The following SUCO variants were observed in gnomAD, a reference collection of about 807,000 sequenced individuals.
SUCO encodes SUN domain-containing ossification factor.
Under a neutral mutation model 148.1 loss-of-function variants are expected in SUCO, and 57 were observed. The ratio of observed to expected loss-of-function variants is 0.38; its 90% confidence interval spans 0.31 to 0.48. The LOEUF (loss-of-function observed/expected upper bound fraction) is 0.48, where lower values mean the gene tolerates loss of function less well. Among genes scored for constraint, SUCO ranks in the 20% least tolerant of loss-of-function variants. The pLI, the probability that SUCO is intolerant of heterozygous loss-of-function variation, is 0.96. For missense variants in SUCO, 1,331 were observed against 1,468.2 expected, an observed-to-expected ratio of 0.91 and a Z score of 1.53; for synonymous variants, 470 against 502.7, an observed-to-expected ratio of 0.93 and a Z score of 0.87.
chr1:172,545,233 C>A (rs1171462562), intron 1 of SUCO, among the ~76,000 whole-genome samples: 1 of 152,120 alleles, frequency 6.6e-6, no homozygotes, highest in African/African-American at 2.4e-5. Context: ...AGAGATGCAA[C>A]TTTTAAATGA....
At chr1:172,576,885 T>C (rs1288332681) in intron 11 of SUCO, 1 of 789,814 alleles carries the variant, frequency 1.3e-6, no homozygotes, top group African/African-American at 1.9e-5. Context: ...GTTATGTAAG[T>C]TTTTTACCTG....
intron 6 of SUCO, among the ~76,000 whole-genome samples, chr1:172,562,318 G>T (rs1654220927): frequency 6.6e-6 from 1 of 150,944 alleles, no homozygotes; most frequent in Non-Finnish European, 1.5e-5. Context: ...AAGAAAATTG[G>T]GTTTTAACAT....
At chr1:172,586,084 G>A in intron 17 of SUCO, 136 bp downstream of exon 17, 1 of 519,042 alleles carries the variant, frequency 1.9e-6, no homozygotes, top group Admixed American at 3.7e-5. Context: ...TAGACATTCT[G>A]TGGCCACTTA....
At chr1:172,571,577 C>A (rs1332427926) in intron 9 of SUCO, among the ~76,000 whole-genome samples, 1 of 144,450 alleles carries the variant, frequency 6.9e-6, no homozygotes, top group Admixed American at 6.8e-5. Flanking sequence ...AAGTGAGGAG[C>A]GTCTCTGCCC....
At chr1:172,556,496 A>G in intron 4 of SUCO, 1 of 507,864 alleles carries the variant, frequency 2.0e-6, no homozygotes, top group Non-Finnish European at 2.5e-6. Context: ...AAAATTTGTT[A>G]TGTACTTCTC....
At chr1:172,532,991 G>T, upstream of SUCO, 1 of 1,400,872 alleles carries the variant, frequency 7.1e-7, no homozygotes, top group Non-Finnish European at 9.4e-7. Context: ...AGGCTGGTGG[G>T]GGTGCGGGCG....
chr1:172,573,921 A>T lies in SUCO; in HGVS notation c.1080A>T (p.Gln360His). The change falls in exon 10 of 24, where the codon CAA becomes CAT. Residue 360 changes from glutamine to histidine, a missense_variant. Around this residue, in one of 3 missense-constraint regions of SUCO, gnomAD observed 992 missense variants for 1,093.5 expected, o/e 0.91. Transcript: ENST00000263688. ...WFVIELCEPI[Q>H]VKQLDIANYE... ...TTATTGAACTTTGTGAACCAATTCAAGTAAAACAGCTTGATATTGCAAATT... is the reference window on the plus strand; with the variant it reads ...TTATTGAACTTTGTGAACCAATTCATGTAAAACAGCTTGATATTGCAAATT... 6.2e-7 allele frequency: 1 copy of T among 1,601,114 alleles called. No homozygotes were observed. Among genetic ancestry groups the T allele is most frequent in the South Asian group, 1.1e-5 (1 of 89,756 alleles).
intron 15 of SUCO, 31 bp downstream of exon 15, chr1:172,579,298 T>C (rs1655696406): frequency 2.2e-6 from 3 of 1,388,432 alleles, no homozygotes; most frequent in Non-Finnish European, 3.1e-6. Flanking sequence ...CTATTCATTC[T>C]ACTACTTTTT....
chr1:172,551,425 C>A, intron 1 of SUCO, 87 bp from the exon 2 acceptor site: 1 of 716,246 alleles, frequency 1.4e-6, no homozygotes, highest in South Asian at 2.0e-5. Flanking sequence ...AATTCTAGCC[C>A]ATATAGAAAT....
intron 6 of SUCO, among the ~76,000 whole-genome samples, chr1:172,562,347 T>A (rs565376091): frequency 9.3e-5 from 14 of 150,508 alleles, no homozygotes; most frequent in Middle Eastern, 3.4e-3. Context: ...TTTTTTTTTT[T>A]ATTTTGAGAT....
chr1:172,583,785 T>C (rs1024791519), intron 15 of SUCO, among the ~76,000 whole-genome samples: 8 of 152,188 alleles, frequency 5.3e-5, no homozygotes, highest in African/African-American at 1.9e-4. Flanking sequence ...AAGGTTAGAC[T>C]GGGAATGAAA....
intron 10 of SUCO, 54 bp downstream of exon 10, chr1:172,574,052 AAAAC>A (rs1655246413): frequency 8.1e-6 from 8 of 982,634 alleles, no homozygotes; most frequent in South Asian, 4.4e-5. Context: ...GAAAAAAAGA[AAAAC>A]AAAAAAACAA....
intron 2 of SUCO, among the ~76,000 whole-genome samples, chr1:172,552,378 C>T (rs1453071113): frequency 6.6e-6 from 1 of 151,918 alleles, no homozygotes; most frequent in East Asian, 1.9e-4. Flanking sequence ...AGTGATAGCT[C>T]ATATATCATC....
At chr1:172,568,248 A>T (rs1457877759) in intron 6 of SUCO, 1 of 930,804 alleles carries the variant, frequency 1.1e-6, no homozygotes, top group East Asian at 1.2e-4. Flanking sequence ...TTTGGATTCC[A>T]TGATTATTAC....
chr1:172,602,248 A>AT (rs754222559), intron 21 of SUCO, 30 bp downstream of exon 21: 164 of 1,539,188 alleles, frequency 1.1e-4, no homozygotes, highest in East Asian at 7.6e-4. Flanking sequence ...TCACAATTTT[A>AT]TTTTTTTTAC....
At chr1:172,549,097 CTA>C (rs1178101548) in intron 1 of SUCO, among the ~76,000 whole-genome samples, 1 of 151,762 alleles carries the variant, frequency 6.6e-6, no homozygotes, top group African/African-American at 2.4e-5. Flanking sequence ...TGTTTGGTTT[CTA>C]TGTTAATTAA....
intron 17 of SUCO, among the ~76,000 whole-genome samples, chr1:172,586,977 T>C (rs1350966400): frequency 2.0e-5 from 3 of 152,138 alleles, no homozygotes; most frequent in African/African-American, 7.2e-5. Context: ...TATGTGGAGC[T>C]GTGATTGCTG....
At chr1:172,577,930 G>T in intron 13 of SUCO, 111 bp downstream of exon 13, 1 of 744,078 alleles carries the variant, frequency 1.3e-6, no homozygotes, top group South Asian at 2.3e-5. Flanking sequence ...TAATACCATA[G>T]AAATAAAAAC....
intron 2 of SUCO, chr1:172,552,256 C>G (rs920835512): frequency 6.6e-6 from 1 of 151,906 alleles, no homozygotes; most frequent in Non-Finnish European, 1.5e-5. Context: ...AACGTTTGGA[C>G]CTTGTTCTGT....
Sources: gnomAD v4.1 joint callset for allele counts (sites outside exome capture counted in the v4.1 genomes callset) on GRCh38, gnomAD v4.1.1 for gene constraint, gnomAD v4.1.1 regional missense constraint, MANE v1.5 for transcripts, NCBI Gene and HGNC (gene_info 2026-07-23, HGNC 2026-07-21) for gene names.